The following PLXNA4 variants were observed in gnomAD, a reference collection of about 807,000 sequenced individuals.
PLXNA4 encodes the protein plexin-A4.
PLXNA4 carries 44 observed loss-of-function variants against 191.8 expected under a neutral mutation model. That is an observed-to-expected ratio of 0.23 (90% CI 0.18 to 0.29). The LOEUF is 0.29. Among genes scored for constraint, PLXNA4 ranks in the 10% least tolerant of loss-of-function variants. PLXNA4 has a pLI of 1.00. For missense variants in PLXNA4, 1,800 were observed against 2,488.8 expected (o/e 0.72, Z 5.89); for synonymous variants, 1,082 against 1,009.5 (o/e 1.07, Z -1.36).
At position 132,402,531 on chromosome 7, in the gene PLXNA4, T is replaced by G. The variant is rs566415793; in HGVS notation, c.1371+86761A>C. On this transcript the variant is annotated intron_variant, in intron 3 of 31. Transcript: ENST00000321063. ...CACACAGGGGAGAGGGGCAGTGTGC[T>G]GCTGCAGGCTGCCACTATGGGAGGG... Among the ~76,000 whole-genome samples, 14 of 152,322 alleles carry G rather than the reference T, an allele frequency of 9.2e-5. No homozygotes were observed. The South Asian group carries it at 2.9e-3, about 32-fold the overall frequency.
At chr7:132,350,226 A>G (rs1190307585) in intron 3 of PLXNA4, among the ~76,000 whole-genome samples, 1 of 152,180 alleles carries the variant, frequency 6.6e-6, no homozygotes, top group African/African-American at 2.4e-5. Flanking sequence ...ACTCAGGGCC[A>G]GGTGCGGTGG....
intron 2 of PLXNA4, among the ~76,000 whole-genome samples, chr7:132,505,637 A>AAC (rs1798436480): frequency 6.6e-6 from 1 of 152,138 alleles, no homozygotes; most frequent in Non-Finnish European, 1.5e-5. Flanking sequence ...ACTCACTCCT[A>AAC]AGATGTGTGA....
Position 132,508,679 on chromosome 7 carries a change from G to C in PLXNA4, c.15C>G (p.Pro5=). 1.3e-6 allele frequency: 2 copies of C among 1,528,886 alleles called. No individual in the cohort carries two copies. The highest frequency in any genetic ancestry group is 1.8e-6 in the Non-Finnish European group (2 of 1,138,978). 94.7% of individuals were successfully genotyped at this position (1,528,886 alleles called of 1,614,324 possible). The part of the protein sequence containing the change: MKAM[P]WNWTCLLSHL... The stretch of plus-strand genomic sequence containing the variant: ...GGGAGAGAAGGCAGGTCCAGTTCCA[G>C]GGCATGGCTTTCATGGCAGAGGCGG... The change falls in exon 2 of 32, where the codon CCC becomes CCG. Residue 5 remains proline (P), a synonymous_variant. Transcript: ENST00000321063. This position sits in a 1 kb window ranked among gnomAD's most constrained non-coding sequence, Gnocchi z 4.4.
intron 5 of PLXNA4, among the ~76,000 whole-genome samples, chr7:132,233,223 G>A (rs1798582870): frequency 6.6e-6 from 1 of 152,208 alleles, no homozygotes; most frequent in Admixed American, 6.5e-5. Context: ...TGGGGACCCT[G>A]ACAAGGGAAG....
intron 3 of PLXNA4, among the ~76,000 whole-genome samples, chr7:132,486,073 CT>C (rs1376747895): frequency 2.0e-5 from 3 of 152,198 alleles, no homozygotes; most frequent in Non-Finnish European, 4.4e-5. Flanking sequence ...CATTTCCAGT[CT>C]CTTGTCATAC....
At position 132,564,482 on chromosome 7, in the gene PLXNA4, C is replaced by T. The variant is rs576616415; in HGVS notation, c.-87+11940G>A. On this transcript the variant is annotated intron_variant, in intron 1 of 31. Coordinates refer to ENST00000321063, the MANE Select transcript of PLXNA4 (RefSeq NM_020911.2). ...GGATGGGTGCCCGTCTTCCTATTCC[C>T]AGAGCACCCTCTTCATGCCCCAGTC... Among the ~76,000 whole-genome samples the T allele has an allele frequency of 4.1e-4, 62 of 152,160 alleles. 1 individual carries two copies. The South Asian group carries it at 0.013, about 31-fold the overall frequency.
At chr7:132,227,004 A>C (rs1798347044) in intron 7 of PLXNA4, among the ~76,000 whole-genome samples, 1 of 152,154 alleles carries the variant, frequency 6.6e-6, no homozygotes. Flanking sequence ...CCCCAACAAC[A>C]GGCAGCTCTG....
intron 24 of PLXNA4, among the ~76,000 whole-genome samples, chr7:132,161,124 GC>G: frequency 6.6e-6 from 1 of 152,174 alleles, no homozygotes; most frequent in Non-Finnish European, 1.5e-5. Flanking sequence ...TGTTCTGGCA[GC>G]CCCTGCTGTC....
At chr7:132,495,855 A>G (rs1306451158) in intron 2 of PLXNA4, among the ~76,000 whole-genome samples, 10 of 152,244 alleles carry the variant, frequency 6.6e-5, no homozygotes, top group African/African-American at 2.4e-4. Context: ...TGCGTTCAGC[A>G]AGGGAAATAG....
intron 2 of PLXNA4, among the ~76,000 whole-genome samples, chr7:132,626,203 C>A (rs1203318763): frequency 6.6e-6 from 1 of 152,164 alleles, no homozygotes; most frequent in East Asian, 1.9e-4. Flanking sequence ...TTCCCTCCTC[C>A]ACATTCCCAC....
chr7:132,608,645 G>A (rs1189065002), intron 2 of PLXNA4, among the ~76,000 whole-genome samples: 1 of 151,964 alleles, frequency 6.6e-6, no homozygotes, highest in East Asian at 1.9e-4. Flanking sequence ...ACTTCAATCC[G>A]TTCCTTCTGC....
chr7:132,384,457 G>C (rs1805031024), intron 3 of PLXNA4: 2 of 985,738 alleles, frequency 2.0e-6, no homozygotes, highest in South Asian at 4.7e-5. Context: ...AATTGTGCTG[G>C]ATAGTGGCCA....
intron 3 of PLXNA4, among the ~76,000 whole-genome samples, chr7:132,445,502 T>C (rs549432550): frequency 6.6e-6 from 1 of 151,876 alleles, no homozygotes; most frequent in South Asian, 2.1e-4. Context: ...TGGGGTACAG[T>C]AGATAAGAGA....
chr7:132,197,788 C>G (rs78534655), intron 13 of PLXNA4, among the ~76,000 whole-genome samples: 28 of 152,052 alleles, frequency 1.8e-4, no homozygotes, highest in African/African-American at 5.6e-4. Context: ...GGAAGACTTG[C>G]GAAGAGTCAA....
chr7:132,197,132 C>A (rs1432694761), intron 13 of PLXNA4, among the ~76,000 whole-genome samples: 1 of 152,164 alleles, frequency 6.6e-6, no homozygotes, highest in African/African-American at 2.4e-5. Context: ...AGTTCCCCTT[C>A]TTGAAATTGA....
At chr7:132,177,769 C>T (rs957032765) in intron 20 of PLXNA4, among the ~76,000 whole-genome samples, 5 of 152,056 alleles carry the variant, frequency 3.3e-5, no homozygotes, top group Admixed American at 1.3e-4. Context: ...GAGTACATTG[C>T]GGAGAAAAAA....
chr7:132,540,557 G>A (rs1396765027), intron 1 of PLXNA4, among the ~76,000 whole-genome samples: 1 of 141,162 alleles, frequency 7.1e-6, no homozygotes, highest in African/African-American at 2.6e-5. Flanking sequence ...AGAAGGTGTA[G>A]TGTGGACCGT....
Position 132,508,457 on chromosome 7 carries a change from C to A in PLXNA4, c.237G>T (p.Lys79Asn). The change falls in exon 2 of 32, where the codon AAG becomes AAT. Residue 79 changes from lysine to asparagine, a missense_variant. By Grantham distance (94) the Lys-to-Asn change is moderately conservative. Around this residue, in one of 6 missense-constraint regions of PLXNA4, gnomAD observed 1,397 missense variants for 1,880.4 expected, o/e 0.74. Transcript: ENST00000321063. The surrounding 1 kb of genome is among the most constrained non-coding windows in gnomAD (Gnocchi z 4.4). ...GCCCTGTCTCATGCGTCACCAAGAC[C>A]TTCAGGTCGCTGGAGAGCTTGTAAA... ...NRIYKLSSDLKVLVTHETGPD... is the reference protein window; with the variant it reads ...NRIYKLSSDLNVLVTHETGPD... 1 of 1,614,216 alleles carries A rather than the reference C, an allele frequency of 6.2e-7. No individual in the cohort carries two copies. The highest frequency in any genetic ancestry group is 8.5e-7 in the Non-Finnish European group (1 of 1,180,044).
chr7:132,330,187 G>C (rs1802536444), intron 3 of PLXNA4, among the ~76,000 whole-genome samples: 1 of 152,176 alleles, frequency 6.6e-6, no homozygotes, highest in Non-Finnish European at 1.5e-5. Context: ...AGGTGGGAAG[G>C]ACCTGGATTG....
Sources: allele counts gnomAD v4.1 joint callset (sites outside exome capture counted in the v4.1 genomes callset), GRCh38; gene constraint gnomAD v4.1.1; regional missense constraint gnomAD v4.1.1; non-coding constraint Gnocchi (gnomAD v3.1); transcripts MANE v1.5; gene names NCBI Gene and HGNC (gene_info 2026-07-23, HGNC 2026-07-21).